Variants in MB21D2 observed in about 807,000 individuals in gnomAD.
MB21D2 encodes nucleotidyltransferase MB21D2.
MB21D2 carries 9 observed loss-of-function variants against 33.3 expected under a neutral mutation model. That is an observed-to-expected ratio of 0.27 (90% confidence interval 0.16 to 0.47). The LOEUF is 0.47. Ranked by LOEUF, MB21D2 falls within the 20% of genes least tolerant of loss-of-function variation. The pLI is 0.99. For synonymous variants in MB21D2, 241 were observed against 236.3 expected (o/e 1.02, Z -0.18); for missense variants, 540 against 624.6 (o/e 0.86, Z 1.44).
In MB21D2 at chr3:192,871,864, T is replaced by TG. The variant is rs534950682; in HGVS notation, c.211+45765dup. On this transcript the variant is annotated intron_variant, in intron 1 of 1. Transcript: ENST00000392452. ...GCAAGGGGGGTGAGGGGAAATTACT[T>TG]GGACTCTCCCGGGTGGTTCAAAAGG... Among the ~76,000 whole-genome samples the TG allele has an allele frequency of 5.0e-3, 763 of 152,224 alleles. 11 individuals carry two copies. Among genetic ancestry groups the TG allele is most frequent in the Non-Finnish European group, 5.9e-3 (404 of 68,012 alleles).
chr3:192,814,583 G>C (rs181516990), intron 1 of MB21D2, among the ~76,000 whole-genome samples: 87 of 152,100 alleles, frequency 5.7e-4, no homozygotes, highest in Admixed American at 3.4e-3. Context: ...AAAGTCTTGG[G>C]CGGGCGCGGT....
chr3:192,871,639 G>A (rs1713298050), intron 1 of MB21D2, among the ~76,000 whole-genome samples: 1 of 152,194 alleles, frequency 6.6e-6, no homozygotes, highest in South Asian at 2.1e-4. Flanking sequence ...CTGAAGCCAA[G>A]AGTGGTCAGG....
intron 1 of MB21D2, among the ~76,000 whole-genome samples, chr3:192,824,528 TA>T (rs1560231573): frequency 1.4e-5 from 2 of 143,298 alleles, no homozygotes; most frequent in African/African-American, 5.1e-5. Flanking sequence ...AATAAATAAA[TA>T]AAGTTTCTGG....
chr3:192,885,425 A>T (rs1713710009), intron 1 of MB21D2, among the ~76,000 whole-genome samples: 1 of 152,064 alleles, frequency 6.6e-6, no homozygotes, highest in South Asian at 2.1e-4. Flanking sequence ...ATAAATATCA[A>T]ATTTGTGACC....
At chr3:192,875,437 G>T (rs142328066) in intron 1 of MB21D2, among the ~76,000 whole-genome samples, 3 of 152,150 alleles carry the variant, frequency 2.0e-5, no homozygotes, top group Non-Finnish European at 4.4e-5. Context: ...GTAGAGAAAA[G>T]GATGAAAAGA....
At chr3:192,834,787 A>G (rs1560234673) in intron 1 of MB21D2, among the ~76,000 whole-genome samples, 2 of 151,224 alleles carry the variant, frequency 1.3e-5, no homozygotes, top group South Asian at 2.1e-4. Context: ...TACCACAGGT[A>G]CAGATGTTTG....
intron 1 of MB21D2, among the ~76,000 whole-genome samples, chr3:192,914,444 C>T (rs1714419023): frequency 1.3e-5 from 2 of 152,158 alleles, no homozygotes; most frequent in African/African-American, 4.8e-5. Context: ...GGGACACAAA[C>T]CAGTCTCTAT....
At chr3:192,801,448 C>G (rs147479080) in intron 1 of MB21D2, among the ~76,000 whole-genome samples, 2 of 152,194 alleles carry the variant, frequency 1.3e-5, no homozygotes, top group African/African-American at 4.8e-5. Flanking sequence ...TTGTTATACT[C>G]TGAACGTTCG....
chr3:192,877,017 G>A (rs1713446368), intron 1 of MB21D2, among the ~76,000 whole-genome samples: 1 of 152,154 alleles, frequency 6.6e-6, no homozygotes, highest in Admixed American at 6.5e-5. Context: ...TCCACAGTGA[G>A]TAATTAATAC....
intron 1 of MB21D2, among the ~76,000 whole-genome samples, chr3:192,862,083 A>C (rs1250619403): frequency 6.6e-6 from 1 of 152,238 alleles, no homozygotes; most frequent in South Asian, 2.1e-4. Context: ...AAATGTTTCA[A>C]GAGTGTGCTT....
intron 1 of MB21D2, among the ~76,000 whole-genome samples, chr3:192,870,792 T>A (rs76857738): frequency 7.4e-6 from 1 of 135,476 alleles, no homozygotes; most frequent in South Asian, 2.4e-4. Context: ...AAAAAAAAAA[T>A]GCAAAACCGA....
intron 1 of MB21D2, among the ~76,000 whole-genome samples, chr3:192,895,770 T>C (rs1013493580): frequency 2.0e-5 from 3 of 152,160 alleles, no homozygotes; most frequent in Non-Finnish European, 4.4e-5. Flanking sequence ...TCTCACTGTG[T>C]TGTCCCGGCT....
intron 1 of MB21D2, among the ~76,000 whole-genome samples, chr3:192,902,857 TAC>T (rs1714134596): frequency 6.6e-6 from 1 of 152,198 alleles, no homozygotes; most frequent in Non-Finnish European, 1.5e-5. Flanking sequence ...CAGCCTTGAT[TAC>T]AGATATTAGT....
chr3:192,845,430 T>G (rs9858084), intron 1 of MB21D2, among the ~76,000 whole-genome samples: 1 of 152,020 alleles, frequency 6.6e-6, no homozygotes, highest in Admixed American at 6.5e-5. Flanking sequence ...ACAATTCCCA[T>G]GAAGAAGTGT....
rs182376673 is a variant in MB21D2, at chr3:192,844,198, C to G, written c.212-44548G>C. On this transcript the variant is annotated intron_variant, in intron 1 of 1. Transcript: ENST00000392452. Reference sequence around the variant, plus strand: ...AGCCAGGCACTCTCACTTACGTTGTCCTTCCCTCTGTGATGATGAAGCCTG... The same window carrying G: ...AGCCAGGCACTCTCACTTACGTTGTGCTTCCCTCTGTGATGATGAAGCCTG... 5.0e-4 allele frequency among the ~76,000 whole-genome samples: 76 copies of G among 152,330 alleles called. 1 individual carries two copies. The highest frequency in any genetic ancestry group is 4.8e-3 in the Admixed American group (74 of 15,302).
Position 192,808,692 on chromosome 3 carries a change from T to C in MB21D2, c.212-9042A>G, listed in dbSNP as rs1175376381. On this transcript the variant is annotated intron_variant, in intron 1 of 1. Transcript: ENST00000392452. Reference sequence around the variant, plus strand: ...ACCTACTACTTAAGACAGACAACTATAACGTAGACTTCTATAGCCACCTAT... The same window carrying C: ...ACCTACTACTTAAGACAGACAACTACAACGTAGACTTCTATAGCCACCTAT... 2.6e-5 allele frequency among the ~76,000 whole-genome samples: 4 copies of C among 152,296 alleles called. No homozygotes were observed. The East Asian group carries it at 7.7e-4, about 29-fold the overall frequency.
At chr3:192,805,829 A>C (rs1711650017) in intron 1 of MB21D2, among the ~76,000 whole-genome samples, 1 of 152,254 alleles carries the variant, frequency 6.6e-6, no homozygotes, top group Non-Finnish European at 1.5e-5. Context: ...TATTTAGCTC[A>C]TGTTCCCCAT....
chr3:192,847,714 G>A (rs895038168), intron 1 of MB21D2, among the ~76,000 whole-genome samples: 1 of 152,124 alleles, frequency 6.6e-6, no homozygotes, highest in Non-Finnish European at 1.5e-5. Context: ...CGGCCTACCT[G>A]ACAACTTACT....
chr3:192,870,195 C>T (rs1346226072), intron 1 of MB21D2, among the ~76,000 whole-genome samples: 4 of 151,916 alleles, frequency 2.6e-5, no homozygotes, highest in East Asian at 1.9e-4. Flanking sequence ...TTCTGTAACA[C>T]GAATCCCTAA....
Sources: gnomAD v4.1 joint callset for allele counts (sites outside exome capture counted in the v4.1 genomes callset) on GRCh38, gnomAD v4.1.1 for gene constraint, MANE v1.5 for transcripts, NCBI Gene and HGNC (gene_info 2026-07-23, HGNC 2026-07-21) for gene names.